PCDH17: variants seen among roughly 807,000 people sequenced by gnomAD.
PCDH17 encodes protocadherin 17, also known as protocadherin-17.
PCDH17 carries 21 observed loss-of-function variants against 67.7 expected under a neutral mutation model. The observed-to-expected ratio is 0.31, with a 90% CI of 0.22 to 0.45. PCDH17 has a LOEUF of 0.45. Among genes scored for constraint, PCDH17 ranks in the 20% least tolerant of loss-of-function variants. PCDH17 has a pLI of 1.00. For synonymous variants in PCDH17, 701 were observed against 656.7 expected, an observed-to-expected ratio of 1.07 and a Z score of -1.03; for missense variants, 1,471 against 1,564.8, an observed-to-expected ratio of 0.94 and a Z score of 1.01.
rs112262490 is a variant in PCDH17 at position 57,680,206 on chromosome 13, A to G, written c.2797+13373A>G. Among the ~76,000 whole-genome samples, 1,150 of 151,528 alleles carry G rather than the reference A, an allele frequency of 7.6e-3. 6 individuals are homozygous for G. Among genetic ancestry groups the G allele is most frequent in the Non-Finnish European group, 0.012 (827 of 67,624 alleles). ...ATTAATTTTGCTAGAGAAGTAAATA[A>G]GGAATGACTTCACAAATTACATGAG... On this transcript the variant is annotated intron_variant, in intron 3 of 3. Coordinates refer to ENST00000377918, the MANE Select transcript of PCDH17 (RefSeq NM_001040429.3).
Position 57,632,448 on chromosome 13 carries a change from C to A in PCDH17, c.-99C>A. On this transcript the variant is annotated 5_prime_UTR_variant, in exon 1 of 4. Transcript: ENST00000377918. Reference sequence around the variant, plus strand: ...AAAGGACCCATAGACTTGTGGCTCGCGTCGCGCGCGCACGCTGCGCCAGGG... The same window carrying A: ...AAAGGACCCATAGACTTGTGGCTCGAGTCGCGCGCGCACGCTGCGCCAGGG... The A allele has an allele frequency of 8.0e-7, 1 of 1,248,634 alleles. No homozygotes were observed. Among genetic ancestry groups the A allele is most frequent in the Non-Finnish European group, 1.1e-6 (1 of 911,844 alleles). The allele number at this position is 1,248,634 out of a possible 1,614,324, so 77.3% of individuals were successfully genotyped here. A position where few individuals can be genotyped will look rare whatever the true frequency, so the allele number is the denominator to read the frequency against.
chr13:57,632,093 A>C lies in PCDH17; in HGVS notation c.-454A>C. 4.7e-6 allele frequency: 1 copy of C among 214,340 alleles called. No homozygotes were observed. Among genetic ancestry groups the C allele is most frequent in the Non-Finnish European group, 9.4e-6 (1 of 106,644 alleles). The allele number at this position is 214,340 out of a possible 1,614,324, so 13.3% of individuals were successfully genotyped here. ...CCACTCGATGTGAAGAGTATTCCGGAGTCTCCGGGCGGGAGTAGATTTGCA... is the reference window on the plus strand; with the variant it reads ...CCACTCGATGTGAAGAGTATTCCGGCGTCTCCGGGCGGGAGTAGATTTGCA... On this transcript the variant is annotated 5_prime_UTR_variant, in exon 1 of 4. Transcript: ENST00000377918.
At chr13:57,662,760 A>C (rs1338432449) in intron 1 of PCDH17, among the ~76,000 whole-genome samples, 2 of 152,180 alleles carry the variant, frequency 1.3e-5, no homozygotes, top group Non-Finnish European at 2.9e-5. Flanking sequence ...GTTGATTTTT[A>C]ATATCATTTA....
intron 3 of PCDH17, among the ~76,000 whole-genome samples, chr13:57,715,186 TCA>T (rs1251394216): frequency 3.3e-5 from 5 of 151,842 alleles, no homozygotes; most frequent in African/African-American, 7.2e-5. Flanking sequence ...AATGCATATC[TCA>T]CAGCAATAGA....
intron 1 of PCDH17, among the ~76,000 whole-genome samples, chr13:57,657,172 C>T (rs1002488164): frequency 2.6e-5 from 4 of 151,890 alleles, no homozygotes; most frequent in Admixed American, 2.0e-4. Flanking sequence ...TAATATATAC[C>T]CAGATTACTT....
chr13:57,647,007 T>C (rs761952585), intron 1 of PCDH17, among the ~76,000 whole-genome samples: 29 of 151,958 alleles, frequency 1.9e-4, no homozygotes, highest in Non-Finnish European at 3.7e-4. Flanking sequence ...AACCAGAAAC[T>C]GGGCTTGTAA....
At chr13:57,668,295 T>C (rs1955279928) in intron 3 of PCDH17, among the ~76,000 whole-genome samples, 1 of 152,082 alleles carries the variant, frequency 6.6e-6, no homozygotes, top group Non-Finnish European at 1.5e-5. Context: ...TAGACCCATC[T>C]ATGTGAATGA....
intron 3 of PCDH17, among the ~76,000 whole-genome samples, chr13:57,687,637 T>C (rs928401872): frequency 6.6e-6 from 1 of 152,004 alleles, no homozygotes; most frequent in Non-Finnish European, 1.5e-5. Flanking sequence ...CATTCATTAT[T>C]GACCTGTACA....
intron 1 of PCDH17, among the ~76,000 whole-genome samples, chr13:57,638,967 A>C (rs1954858532): frequency 6.6e-6 from 1 of 152,078 alleles, no homozygotes; most frequent in Non-Finnish European, 1.5e-5. Flanking sequence ...TAACAAATAC[A>C]AAGTGCGTGA....
In PCDH17 at chr13:57,633,286, C is replaced by T. The variant is rs769022430; in HGVS notation, c.740C>T (p.Ser247Phe). The change falls in exon 1 of 4, where the codon TCC becomes TTC. Residue 247 changes from serine to phenylalanine, a missense_variant. Physicochemically the swap from Ser to Phe is radical, Grantham distance 155. Transcript: ENST00000377918. This position sits in a 1 kb window ranked among gnomAD's most constrained non-coding sequence, Gnocchi z 6.2. ...NDNSPVFEAP[S>F]YLVELPENAP... ...AACAGCCCGGTCTTCGAGGCGCCAT[C>T]CTACTTGGTGGAACTGCCCGAGAAC... 3 of 1,613,256 alleles carry T rather than the reference C, an allele frequency of 1.9e-6. No homozygotes were observed. The highest frequency in any genetic ancestry group is 1.3e-5 in the African/African-American group (1 of 74,904).
intron 3 of PCDH17, among the ~76,000 whole-genome samples, chr13:57,719,047 GTAAA>G (rs1397527164): frequency 5.9e-5 from 9 of 151,948 alleles, no homozygotes; most frequent in African/African-American, 7.2e-5. Flanking sequence ...TGTGCAGACC[GTAAA>G]TAGAGATGAG....
chr13:57,713,074 T>C (rs1476878600), intron 3 of PCDH17, among the ~76,000 whole-genome samples: 3 of 151,602 alleles, frequency 2.0e-5, no homozygotes, highest in African/African-American at 4.8e-5. Flanking sequence ...TCCAGTAGCT[T>C]TTTTGCCCCT....
chr13:57,648,351 A>G (rs574706556), intron 1 of PCDH17, among the ~76,000 whole-genome samples: 119 of 152,094 alleles, frequency 7.8e-4, no homozygotes, highest in Non-Finnish European at 1.4e-3. Context: ...TTTGAAATTC[A>G]ATCATTAGGT....
Position 57,708,887 on chromosome 13 carries a change from T to C in PCDH17, c.2798-15725T>C, listed in dbSNP as rs530894855. On this transcript the variant is annotated intron_variant, in intron 3 of 3. Coordinates refer to ENST00000377918, the MANE Select transcript of PCDH17 (RefSeq NM_001040429.3). ...TTCTCATATTCACTGTGCATTTCAA[T>C]AACATTAATGCAGAACAAAATATTC... Among the ~76,000 whole-genome samples the C allele has an allele frequency of 4.6e-5, 7 of 152,050 alleles. No individual in the cohort carries two copies. In the East Asian group the frequency reaches 1.4e-3, roughly 29 times the overall value.
chr13:57,634,176 C>G lies in PCDH17; in HGVS notation c.1630C>G (p.Gln544Glu), dbSNP rs1954781178. Reference sequence around the variant, plus strand: ...CGCCCTGCGCTCCTTTAACTTCGAGCAGACCAAGGCTTTTGAGTTCAAGGT... The same window carrying G: ...CGCCCTGCGCTCCTTTAACTTCGAGGAGACCAAGGCTTTTGAGTTCAAGGT... The part of the protein sequence containing the change: ...IYALRSFNFE[Q>E]TKAFEFKVLA... Residue 544 changes from glutamine to glutamate, a missense_variant, in exon 1 of 4, where the codon CAG becomes GAG. Around this residue, in one of 3 missense-constraint regions of PCDH17, gnomAD observed 1,163 missense variants for 1,230.0 expected, o/e 0.95. Coordinates refer to ENST00000377918, the MANE Select transcript of PCDH17 (RefSeq NM_001040429.3). This position sits in a 1 kb window ranked among gnomAD's most constrained non-coding sequence, Gnocchi z 7.8. 7.4e-6 allele frequency: 12 copies of G among 1,613,600 alleles called. No individual in the cohort carries two copies. The highest frequency in any genetic ancestry group is 1.0e-5 in the Non-Finnish European group (12 of 1,180,026).
intron 3 of PCDH17, among the ~76,000 whole-genome samples, chr13:57,722,729 C>T (rs1955881801): frequency 6.6e-6 from 1 of 152,166 alleles, no homozygotes; most frequent in African/African-American, 2.4e-5. Flanking sequence ...CATCTTCCTT[C>T]CTCAGCCTGC....
chr13:57,689,063 C>A (rs151034045), intron 3 of PCDH17, among the ~76,000 whole-genome samples: 1 of 151,928 alleles, frequency 6.6e-6, no homozygotes, highest in Non-Finnish European at 1.5e-5. Context: ...TTTGTGCTTT[C>A]GCAAAATTTT....
intron 1 of PCDH17, among the ~76,000 whole-genome samples, chr13:57,662,413 T>C (rs1000228205): frequency 3.3e-5 from 5 of 152,186 alleles, no homozygotes; most frequent in African/African-American, 1.2e-4. Context: ...GCCCTTTAAA[T>C]TTATTTCATT....
intron 1 of PCDH17, among the ~76,000 whole-genome samples, chr13:57,663,586 T>G (rs899999661): frequency 9.2e-5 from 14 of 152,192 alleles, no homozygotes; most frequent in Admixed American, 2.0e-4. Flanking sequence ...ATAATGAAAA[T>G]GTAGTCAATT....
Sources: allele counts gnomAD v4.1 joint callset (sites outside exome capture counted in the v4.1 genomes callset), GRCh38; gene constraint gnomAD v4.1.1; regional missense constraint gnomAD v4.1.1; non-coding constraint Gnocchi (gnomAD v3.1); transcripts MANE v1.5; gene names NCBI Gene and HGNC (gene_info 2026-07-23, HGNC 2026-07-21).